RELL1: variants seen among roughly 807,000 people sequenced by gnomAD.
RELL1 encodes the protein RELT-like protein 1.
In RELL1, 10 loss-of-function variants were observed where a neutral mutation model predicts 23.0. The ratio of observed to expected loss-of-function variants is 0.43; its 90% CI spans 0.27 to 0.74. RELL1 has a LOEUF of 0.74. Among genes scored for constraint, RELL1 ranks in the 30% least tolerant of loss-of-function variants. RELL1 has a pLI of 0.19. For synonymous variants in RELL1, 146 were observed against 146.8 expected, an observed-to-expected ratio of 0.99 and a Z score of 0.04; for missense variants, 315 against 364.4, an observed-to-expected ratio of 0.86 and a Z score of 1.10.
chr4:37,638,108 C>T (rs552326114), intron 4 of RELL1, among the ~76,000 whole-genome samples: 1 of 152,336 alleles, frequency 6.6e-6, no homozygotes, highest in African/African-American at 2.4e-5. Context: ...CTATGCCTTC[C>T]TTCTTCCCAT....
chr4:37,592,353 GAAA>G (rs11403816), intron 6 of RELL1, among the ~76,000 whole-genome samples: 1 of 108,172 alleles, frequency 9.2e-6, no homozygotes, highest in Admixed American at 9.7e-5. Context: ...CCATCTCTAT[GAAA>G]AAAAAAAAAA....
chr4:37,671,845 T>C (rs1721844926), intron 1 of RELL1, among the ~76,000 whole-genome samples: 1 of 152,172 alleles, frequency 6.6e-6, no homozygotes, highest in South Asian at 2.1e-4. Context: ...CCAAGAACCC[T>C]CTTCTGGGGT....
intron 6 of RELL1, among the ~76,000 whole-genome samples, chr4:37,598,010 T>C (rs1718912380): frequency 6.7e-6 from 1 of 149,458 alleles, no homozygotes; most frequent in Admixed American, 6.7e-5. Context: ...GAGATCGTGC[T>C]GGTGCACTCC....
chr4:37,586,631 C>T (rs977291962), downstream of RELL1, among the ~76,000 whole-genome samples: 2 of 152,146 alleles, frequency 1.3e-5, no homozygotes, highest in African/African-American at 4.8e-5. Context: ...TGGAAGCAGC[C>T]GGGCATGGTG....
chr4:37,686,092 T>C (rs1399478547), intron 1 of RELL1, 108 bp downstream of exon 1: 2 of 950,720 alleles, frequency 2.1e-6, no homozygotes, highest in African/African-American at 1.7e-5. Flanking sequence ...CCCGCGGCTG[T>C]GCCAGAAAGC....
intron 6 of RELL1, among the ~76,000 whole-genome samples, chr4:37,626,317 A>G (rs1466307024): frequency 6.6e-6 from 1 of 152,052 alleles, no homozygotes; most frequent in Admixed American, 6.6e-5. Flanking sequence ...GTCTCTCCTA[A>G]AAATACAAAA....
chr4:37,586,379 T>C (rs1560313456), downstream of RELL1, among the ~76,000 whole-genome samples: 1 of 152,164 alleles, frequency 6.6e-6, no homozygotes. Flanking sequence ...GACTGCCTGC[T>C]CTGTACCAGG....
chr4:37,605,499 T>C (rs945651462), intron 6 of RELL1, among the ~76,000 whole-genome samples: 1 of 152,034 alleles, frequency 6.6e-6, no homozygotes, highest in African/African-American at 2.4e-5. Flanking sequence ...CCTAGCACTT[T>C]GGAAGGCTGA....
chr4:37,620,715 A>G (rs1472041607), intron 6 of RELL1, among the ~76,000 whole-genome samples: 3 of 152,224 alleles, frequency 2.0e-5, no homozygotes, highest in Non-Finnish European at 4.4e-5. Context: ...CTCCACTTGA[A>G]TATCAAATGG....
At chr4:37,654,094 T>G (rs538350592) in intron 1 of RELL1, among the ~76,000 whole-genome samples, 1 of 152,228 alleles carries the variant, frequency 6.6e-6, no homozygotes, top group Non-Finnish European at 1.5e-5. Context: ...AATATTAATA[T>G]GTAAAGCATT....
At chr4:37,678,243 C>T (rs1181790346) in intron 1 of RELL1, among the ~76,000 whole-genome samples, 1 of 152,192 alleles carries the variant, frequency 6.6e-6, no homozygotes, top group African/African-American at 2.4e-5. Context: ...GGCAGCACTT[C>T]TCATGATGAT....
At chr4:37,609,952 T>G (rs946719436), downstream of RELL1, among the ~76,000 whole-genome samples, 5 of 152,218 alleles carry the variant, frequency 3.3e-5, no homozygotes, top group African/African-American at 1.2e-4. Context: ...ATACATAAAC[T>G]TAGTTGATAA....
At chr4:37,637,184 T>C (rs1720361048) in intron 4 of RELL1, among the ~76,000 whole-genome samples, 2 of 152,226 alleles carry the variant, frequency 1.3e-5, no homozygotes, top group South Asian at 4.1e-4. Context: ...CAGCCGTCTG[T>C]GGCCAGGACT....
chr4:37,620,102 G>A (rs1719717512), intron 6 of RELL1, among the ~76,000 whole-genome samples: 1 of 152,188 alleles, frequency 6.6e-6, no homozygotes, highest in Non-Finnish European at 1.5e-5. Flanking sequence ...TTCTATGTAT[G>A]TGGGTCAATT....
At chr4:37,620,459 C>T (rs1354066159) in intron 6 of RELL1, among the ~76,000 whole-genome samples, 1 of 152,152 alleles carries the variant, frequency 6.6e-6, no homozygotes, top group Non-Finnish European at 1.5e-5. Context: ...ATGTAACTGA[C>T]ATCAAAAGTT....
chr4:37,680,889 G>A (rs987413361), intron 1 of RELL1, among the ~76,000 whole-genome samples: 6 of 144,712 alleles, frequency 4.1e-5, no homozygotes, highest in African/African-American at 1.3e-4. Flanking sequence ...CTGAGATCGC[G>A]CCGCTGCACT....
downstream of RELL1, among the ~76,000 whole-genome samples, chr4:37,589,689 G>T (rs760106522): frequency 6.6e-6 from 1 of 152,024 alleles, no homozygotes. Context: ...TGGAGTGCAG[G>T]GGCGTGATCT....
At chr4:37,609,184 T>C (rs1719304888), downstream of RELL1, among the ~76,000 whole-genome samples, 1 of 152,218 alleles carries the variant, frequency 6.6e-6, no homozygotes, top group South Asian at 2.1e-4. Flanking sequence ...CTGTCAACTT[T>C]AGGTTGAAGC....
intron 3 of RELL1, among the ~76,000 whole-genome samples, chr4:37,645,883 G>A (rs1267307957): frequency 1.3e-5 from 2 of 152,218 alleles, no homozygotes; most frequent in African/African-American, 4.8e-5. Context: ...AAAAACCGTT[G>A]AAGAGAGTCA....
Sources: gnomAD v4.1 joint callset for allele counts (sites outside exome capture counted in the v4.1 genomes callset) on GRCh38, gnomAD v4.1.1 for gene constraint, MANE v1.5 for transcripts, NCBI Gene and HGNC (gene_info 2026-07-23, HGNC 2026-07-21) for gene names.